KLF8: variants seen among roughly 807,000 people sequenced by gnomAD.
The protein encoded by KLF8 is Krueppel-like factor 8.
A neutral mutation model predicts 18.2 loss-of-function variants in KLF8; 10 were observed. That is an observed-to-expected ratio of 0.55 (90% confidence interval 0.34 to 0.93). The LOEUF is 0.93. Among genes scored for constraint, KLF8 ranks in the 40% least tolerant of loss-of-function variants. The pLI, the probability that KLF8 is intolerant of heterozygous loss-of-function variation, is 0.02. For missense variants in KLF8, 264 were observed against 277.9 expected (o/e 0.95, Z 0.36); for synonymous variants, 109 against 97.3 (o/e 1.12, Z -0.71).
chrX:56,034,917 G>A, the KLF8 span, among the ~76,000 whole-genome samples: 73 of 106,198 alleles, frequency 6.9e-4, no homozygotes, highest in Non-Finnish European at 8.4e-4. Flanking sequence ...TACCACGCCC[G>A]GCTAATTTTT....
chrX:55,924,534 A>G, the KLF8 span, among the ~76,000 whole-genome samples: 1 of 111,412 alleles, frequency 9.0e-6, no homozygotes, highest in East Asian at 2.8e-4. Flanking sequence ...TGTTTGATGC[A>G]TTTTTTTCCC....
the KLF8 span, among the ~76,000 whole-genome samples, chrX:55,989,991 A>G: frequency 9.0e-6 from 1 of 111,686 alleles, no homozygotes; most frequent in South Asian, 3.8e-4. Context: ...TTATTTGCCT[A>G]GAGGTGTTTA....
At chrX:56,108,208 A>G in the KLF8 span, among the ~76,000 whole-genome samples, 2 of 111,809 alleles carry the variant, frequency 1.8e-5, no homozygotes, top group Admixed American at 9.5e-5. Flanking sequence ...TAATCTGCCT[A>G]ATTGTACTGG....
the KLF8 span, among the ~76,000 whole-genome samples, chrX:55,956,520 C>T: frequency 9.0e-6 from 1 of 111,608 alleles, no homozygotes; most frequent in South Asian, 3.7e-4. Context: ...TACAGTCCTA[C>T]CAGCAGTGCA....
At chrX:56,166,351 G>T in the KLF8 span, among the ~76,000 whole-genome samples, 27 of 111,902 alleles carry the variant, frequency 2.4e-4, no homozygotes, top group Admixed American at 2.6e-3. Flanking sequence ...TCACTTTGCT[G>T]CTGCCTTGAT....
chrX:56,213,170 C>T, the KLF8 span, among the ~76,000 whole-genome samples: 1 of 110,337 alleles, frequency 9.1e-6, no homozygotes, highest in African/African-American at 3.3e-5. Context: ...CATGCATCAG[C>T]TCTGGGATTA....
At chrX:56,155,579 A>G in the KLF8 span, among the ~76,000 whole-genome samples, 1 of 111,727 alleles carries the variant, frequency 9.0e-6, no homozygotes, top group East Asian at 2.8e-4. Context: ...CTTTATGTAC[A>G]TGTACCCTAG....
At chrX:56,187,861 A>G in the KLF8 span, among the ~76,000 whole-genome samples, 1 of 112,080 alleles carries the variant, frequency 8.9e-6, no homozygotes, top group Non-Finnish European at 1.9e-5. Context: ...TTAGGTATTG[A>G]CAGGACGTAT....
the KLF8 span, among the ~76,000 whole-genome samples, chrX:56,171,707 C>T: frequency 1.1e-4 from 12 of 111,499 alleles, no homozygotes; most frequent in Admixed American, 1.1e-3. Flanking sequence ...TGAACTCATC[C>T]TTTTTTATGG....
At chrX:56,275,595 T>G (rs1253933633) in intron 5 of KLF8, among the ~76,000 whole-genome samples, 1 of 112,082 alleles carries the variant, frequency 8.9e-6, no homozygotes, top group Non-Finnish European at 1.9e-5. Context: ...GGAAAGTATT[T>G]CAGTTTTTCC....
At chrX:56,077,415 T>C in the KLF8 span, among the ~76,000 whole-genome samples, 5 of 112,212 alleles carry the variant, frequency 4.5e-5, no homozygotes, top group Non-Finnish European at 9.4e-5. Flanking sequence ...TCCCCATTTC[T>C]TGTTTTTCTC....
chrX:56,184,633 G>A, the KLF8 span, among the ~76,000 whole-genome samples: 1 of 111,788 alleles, frequency 8.9e-6, no homozygotes, highest in African/African-American at 3.3e-5. Flanking sequence ...CCGAGTAGCG[G>A]CAGACTGACA....
At chrX:55,998,162 G>A in the KLF8 span, among the ~76,000 whole-genome samples, 5 of 112,425 alleles carry the variant, frequency 4.4e-5, no homozygotes, top group South Asian at 3.7e-4. Flanking sequence ...GCCCTAAGGC[G>A]GTTTTTCCCT....
the KLF8 span, among the ~76,000 whole-genome samples, chrX:56,045,526 G>T: frequency 8.9e-6 from 1 of 112,185 alleles, no homozygotes; most frequent in East Asian, 2.8e-4. Flanking sequence ...CTACCCATCT[G>T]TGAAAATAAG....
At chrX:56,228,480 T>A (rs759177478), upstream of KLF8, among the ~76,000 whole-genome samples, 3 of 112,441 alleles carry the variant, frequency 2.7e-5, no homozygotes, top group East Asian at 2.8e-4. Context: ...TCTTATTTAA[T>A]CTTTTTGACA....
At chrX:56,049,209 C>T in the KLF8 span, among the ~76,000 whole-genome samples, 1 of 111,290 alleles carries the variant, frequency 9.0e-6, no homozygotes, top group East Asian at 2.8e-4. Context: ...ATGTCATCTG[C>T]AAAAAGGGAC....
the KLF8 span, among the ~76,000 whole-genome samples, chrX:56,058,165 T>TATATATATATACACACATATATATATAC: frequency 1.7e-3 from 159 of 91,270 alleles, no homozygotes; most frequent in South Asian, 9.1e-3. Context: ...TGGGCATATA[T>TATATATATATACACACATATATATATAC]ATATATATAT....
chrX:56,110,492 T>C, the KLF8 span, among the ~76,000 whole-genome samples: 127 of 112,227 alleles, frequency 1.1e-3, no homozygotes, highest in African/African-American at 4.0e-3. Context: ...ACTTCTGCTA[T>C]ACTGTATTTG....
the KLF8 span, among the ~76,000 whole-genome samples, chrX:56,096,092 A>G: frequency 8.9e-6 from 1 of 111,801 alleles, no homozygotes; most frequent in African/African-American, 3.2e-5. Flanking sequence ...TATGGTATAT[A>G]TCACGGAATA....
Sources: allele counts gnomAD v4.1 joint callset (sites outside exome capture counted in the v4.1 genomes callset), GRCh38; gene constraint gnomAD v4.1.1; transcripts MANE v1.5; gene names NCBI Gene and HGNC (gene_info 2026-07-23, HGNC 2026-07-21).